Variants in SEPTIN2 observed in about 807,000 individuals in gnomAD.
The protein encoded by SEPTIN2 is septin 2.
SEPTIN2 carries 34 observed loss-of-function variants against 46.5 expected under a neutral mutation model. The ratio of observed to expected loss-of-function variants is 0.73; its 90% confidence interval spans 0.56 to 0.97. The LOEUF (loss-of-function observed/expected upper bound fraction) is 0.97, where lower values mean the gene tolerates loss of function less well. Ranked by LOEUF, SEPTIN2 falls within the 50% of genes least tolerant of loss-of-function variation. The pLI is 0.00. For synonymous variants in SEPTIN2, 175 were observed against 153.4 expected, an observed-to-expected ratio of 1.14 and a Z score of -1.04; for missense variants, 347 against 448.4, an observed-to-expected ratio of 0.77 and a Z score of 2.04.
chr2:241,353,982 TTAAAC>T lies in SEPTIN2; in HGVS notation c.*2049_*2053del, dbSNP rs1198604480. 3 of 152,314 alleles carry T rather than the reference TTAAAC, an allele frequency of 2.0e-5. No individual in the cohort carries two copies. The South Asian group carries it at 6.2e-4, about 32-fold the overall frequency. The allele number at this position is 152,314 out of a possible 1,614,324, so 9.4% of individuals were successfully genotyped here. A position where few individuals can be genotyped will look rare whatever the true frequency, so the allele number is the denominator to read the frequency against. On this transcript the variant is annotated 3_prime_UTR_variant, in exon 13 of 13. Coordinates refer to ENST00000391971, the MANE Select transcript of SEPTIN2 (RefSeq NM_004404.5). ...TTTTACACAGCAATTTTGTATCCAT[TTAAAC>T]TAACCTTTTATCAATAAAGCACTAT...
chr2:241,325,626 T>G (rs943991341), intron 2 of SEPTIN2, among the ~76,000 whole-genome samples: 2 of 152,244 alleles, frequency 1.3e-5, no homozygotes, highest in Non-Finnish European at 2.9e-5. Context: ...AGCAGTACTT[T>G]GTAAGCTTGA....
In SEPTIN2 at chr2:241,324,169, A is replaced by G. The variant is rs1265879321; in HGVS notation, c.-17-47A>G. 3.8e-6 allele frequency: 6 copies of G among 1,582,374 alleles called. No individual in the cohort carries two copies. The South Asian group carries it at 6.9e-5, about 18-fold the overall frequency. ...TAAATATACGTGCGTATACATACATACTATGTATGTGCGTTTATGTGTGTC... is the reference window on the plus strand; with the variant it reads ...TAAATATACGTGCGTATACATACATGCTATGTATGTGCGTTTATGTGTGTC... On this transcript the variant is annotated intron_variant, in intron 1 of 12. Coordinates refer to ENST00000391971, the MANE Select transcript of SEPTIN2 (RefSeq NM_004404.5).
chr2:241,318,062 C>T (rs937142054), intron 1 of SEPTIN2, among the ~76,000 whole-genome samples: 1 of 151,356 alleles, frequency 6.6e-6, no homozygotes, highest in African/African-American at 2.4e-5. Context: ...TTTCACCTTC[C>T]ATTTCACATT....
rs930957747 is a variant in SEPTIN2, at chr2:241,320,241, G to C, written c.-17-3975G>C. The C allele has an allele frequency of 8.5e-6, 4 of 471,124 alleles. No homozygotes were observed. In the Admixed American group the frequency reaches 9.4e-5, roughly 11 times the overall value. The allele number at this position is 471,124 out of a possible 1,614,324, so 29.2% of individuals were successfully genotyped here. On this transcript the variant is annotated intron_variant, in intron 1 of 12. Transcript: ENST00000391971. The stretch of plus-strand genomic sequence containing the variant: ...TTAAATGACTTTGGTCTTGTCCAAG[G>C]TTAGATGGAGTTCAACTCTAACGTC...
chr2:241,325,194 A>G (rs764222188), intron 2 of SEPTIN2: 1 of 152,216 alleles, frequency 6.6e-6, no homozygotes, highest in African/African-American at 2.4e-5. Context: ...CCTAAAGGAA[A>G]TACTATTTTG....
rs1354601376 is a variant in SEPTIN2, at chr2:241,351,061, C to T, written c.*29+858C>T. Among the ~76,000 whole-genome samples the T allele has an allele frequency of 2.0e-5, 3 of 152,098 alleles. No homozygotes were observed. The East Asian group carries it at 5.8e-4, about 29-fold the overall frequency. On this transcript the variant is annotated intron_variant, in intron 12 of 12. Coordinates refer to ENST00000391971, the MANE Select transcript of SEPTIN2 (RefSeq NM_004404.5). ...TTGGCCAAGATCTGAGGATGAAACG[C>T]TGGGAATTTGGTAGAAGGTCTCTAC...
chr2:241,352,559 G>A lies in SEPTIN2; in HGVS notation c.*622G>A, dbSNP rs2060867628. On this transcript the variant is annotated 3_prime_UTR_variant, in exon 13 of 13. Coordinates refer to ENST00000391971, the MANE Select transcript of SEPTIN2 (RefSeq NM_004404.5). ...AAAACATAATAGAATTTCCTAATGA[G>A]ATATATCTTTATACTTAAACAGCTT... 1 of 152,556 alleles carries A rather than the reference G, an allele frequency of 6.6e-6. No individual in the cohort carries two copies. The highest frequency in any genetic ancestry group is 2.4e-5 in the African/African-American group (1 of 41,414). 9.5% of individuals were successfully genotyped at this position (152,556 alleles called of 1,614,324 possible). A position where few individuals can be genotyped will look rare whatever the true frequency, so the allele number is the denominator to read the frequency against.
chr2:241,338,458 C>T (rs928882171), intron 7 of SEPTIN2, among the ~76,000 whole-genome samples: 1 of 150,468 alleles, frequency 6.6e-6, no homozygotes, highest in African/African-American at 2.5e-5. Context: ...ATGAACATAC[C>T]GATCTGTGCG....
chr2:241,336,149 AT>A, intron 5 of SEPTIN2, 51 bp downstream of exon 5: 1 of 1,561,374 alleles, frequency 6.4e-7, no homozygotes. Flanking sequence ...AATATACTTC[AT>A]AAATTTATAG....
chr2:241,344,957 C>CA (rs1452311136), intron 9 of SEPTIN2, among the ~76,000 whole-genome samples: 2 of 150,622 alleles, frequency 1.3e-5, no homozygotes, highest in East Asian at 2.0e-4. Context: ...ACTAAAAATA[C>CA]AAAAAAATTA....
chr2:241,330,141 C>A (rs1436715143), intron 3 of SEPTIN2, among the ~76,000 whole-genome samples: 3 of 151,992 alleles, frequency 2.0e-5, no homozygotes, highest in Admixed American at 2.0e-4. Context: ...TAAATCTTAC[C>A]GAGTCCAGCA....
chr2:241,350,135 C>T lies in SEPTIN2; in HGVS notation c.1047C>T (p.Gly349=), dbSNP rs773348227. Residue 349 remains glycine (G), a synonymous_variant, in exon 12 of 13, where the codon GGC becomes GGT. Coordinates refer to ENST00000391971, the MANE Select transcript of SEPTIN2 (RefSeq NM_004404.5). ...CGCAGATGCAGATGCAGATGCAGGG[C>T]GGGGATGGCGATGGCGGGGCTCTCG... The part of the protein sequence containing the change: ...MQAQMQMQMQ[G]GDGDGGALGH... 1.2e-5 allele frequency: 20 copies of T among 1,613,622 alleles called. No individual in the cohort carries two copies. The African/African-American group carries it at 1.5e-4, about 12-fold the overall frequency.
intron 10 of SEPTIN2, among the ~76,000 whole-genome samples, chr2:241,346,916 C>G (rs1487200162): frequency 6.6e-6 from 1 of 152,268 alleles, no homozygotes; most frequent in East Asian, 1.9e-4. Flanking sequence ...AGCCAGTGGC[C>G]GTTGAAGCAG....
At chr2:241,320,158 C>T (rs1383309406) in intron 1 of SEPTIN2, 6 of 462,814 alleles carry the variant, frequency 1.3e-5, no homozygotes, top group Admixed American at 4.9e-5. Flanking sequence ...GTTATTAAAA[C>T]TGTGCTGTCT....
At chr2:241,316,503 C>T (rs2076280176) in intron 1 of SEPTIN2, 5 of 1,512,026 alleles carry the variant, frequency 3.3e-6, no homozygotes, top group East Asian at 2.5e-5. Flanking sequence ...CGACTAGGCC[C>T]TGTCTGCGGG....
chr2:241,331,078 C>A (rs1487331677), intron 3 of SEPTIN2, among the ~76,000 whole-genome samples: 9 of 152,170 alleles, frequency 5.9e-5, no homozygotes, highest in Non-Finnish European at 1.3e-4. Flanking sequence ...ATGCTGGAGG[C>A]TGAGGCGGGA....
intron 1 of SEPTIN2, among the ~76,000 whole-genome samples, chr2:241,323,026 AT>A (rs2077377987): frequency 6.6e-6 from 1 of 152,108 alleles, no homozygotes. Context: ...CAACTTAAAA[AT>A]TTTTTTAATT....
chr2:241,336,330 T>G, intron 5 of SEPTIN2: 1 of 496,314 alleles, frequency 2.0e-6, no homozygotes, highest in Non-Finnish European at 3.6e-6. Flanking sequence ...ATCCATAGAC[T>G]GCTAGTATAA....
At chr2:241,339,700 C>T (rs547833175) in intron 7 of SEPTIN2, among the ~76,000 whole-genome samples, 1 of 152,160 alleles carries the variant, frequency 6.6e-6, no homozygotes, top group African/African-American at 2.4e-5. Flanking sequence ...TTGCCCCTTG[C>T]TCGCTGCTTT....
Sources: gnomAD v4.1 joint callset for allele counts (sites outside exome capture counted in the v4.1 genomes callset) on GRCh38, gnomAD v4.1.1 for gene constraint, MANE v1.5 for transcripts, NCBI Gene and HGNC (gene_info 2026-07-23, HGNC 2026-07-21) for gene names.